The following GARNL3 variants were observed in gnomAD, a reference collection of about 807,000 sequenced individuals.
GARNL3 encodes GTPase-activating Rap/Ran-GAP domain-like protein 3.
In GARNL3, 63 loss-of-function variants were observed where a neutral mutation model predicts 125.0. The ratio of observed to expected loss-of-function variants is 0.50; its 90% CI spans 0.41 to 0.62. The LOEUF is 0.62. Ranked by LOEUF, GARNL3 falls within the 20% of genes least tolerant of loss-of-function variation. GARNL3 has a pLI of 0.00. For missense variants in GARNL3, 994 were observed against 1,244.0 expected, an observed-to-expected ratio of 0.80 and a Z score of 3.02; for synonymous variants, 439 against 457.5, an observed-to-expected ratio of 0.96 and a Z score of 0.52.
At chr9:127,324,427 G>A (rs1309905607) in intron 6 of GARNL3, among the ~76,000 whole-genome samples, 2 of 152,092 alleles carry the variant, frequency 1.3e-5, no homozygotes, top group African/African-American at 2.4e-5. Flanking sequence ...AGGAGGATGA[G>A]GGTCCCTCCA....
chr9:127,302,810 C>G lies in GARNL3; in HGVS notation c.220-8826C>G, dbSNP rs1039835614. ...GAGTTGAATTTTTTAAAAGAAGAATCTATGTAGTTGTTAAAAAGAACAAAA... is the reference window on the plus strand; with the variant it reads ...GAGTTGAATTTTTTAAAAGAAGAATGTATGTAGTTGTTAAAAAGAACAAAA... On this transcript the variant is annotated intron_variant, in intron 2 of 27. Coordinates refer to ENST00000373387, the MANE Select transcript of GARNL3 (RefSeq NM_032293.5). Among the ~76,000 whole-genome samples, 35 of 152,110 alleles carry G rather than the reference C, an allele frequency of 2.3e-4. 1 individual carries two copies. Among genetic ancestry groups the G allele is most frequent in the Non-Finnish European group, 2.9e-5 (2 of 68,026 alleles).
intron 1 of GARNL3, among the ~76,000 whole-genome samples, chr9:127,279,813 C>CT (rs1206239403): frequency 6.6e-6 from 1 of 152,042 alleles, no homozygotes; most frequent in Non-Finnish European, 1.5e-5. Flanking sequence ...CTATTCAGAC[C>CT]TTTTTTTCAA....
chr9:127,347,714 A>T (rs1189253796), intron 16 of GARNL3, among the ~76,000 whole-genome samples: 1 of 152,190 alleles, frequency 6.6e-6, no homozygotes, highest in African/African-American at 2.4e-5. Flanking sequence ...GGTGTAAGTC[A>T]CAAACTCAGA....
At chr9:127,304,645 T>G (rs1238649165) in intron 2 of GARNL3, among the ~76,000 whole-genome samples, 1 of 151,568 alleles carries the variant, frequency 6.6e-6, no homozygotes, top group African/African-American at 2.4e-5. Flanking sequence ...TAGTGATTCT[T>G]GTGCCTCAGC....
chr9:127,348,729 T>C (rs539922851), intron 16 of GARNL3, among the ~76,000 whole-genome samples, 195 bp from the exon 17 acceptor site: 1 of 152,362 alleles, frequency 6.6e-6, no homozygotes, highest in African/African-American at 2.4e-5. Context: ...CTTTTCCTAT[T>C]GCATACGTAT....
intron 1 of GARNL3, among the ~76,000 whole-genome samples, chr9:127,265,242 T>C (rs2063678874): frequency 1.3e-5 from 2 of 152,242 alleles, no homozygotes; most frequent in South Asian, 4.1e-4. Context: ...TTCCAGTTTG[T>C]TAAAAATATG....
chr9:127,365,279 C>T lies in GARNL3; in HGVS notation c.2095-21C>T, dbSNP rs544606954. The T allele has an allele frequency of 7.5e-6, 12 of 1,606,424 alleles. No homozygotes were observed. The Admixed American group carries it at 1.3e-4, about 18-fold the overall frequency. The stretch of plus-strand genomic sequence containing the variant: ...GGTCAGCATCCAGCCTGCCCACTAC[C>T]GTTGCCCGTTATCATTGCAGGTTAA... On this transcript the variant is annotated intron_variant, in intron 21 of 27. Transcript: ENST00000373387.
rs888542318 is a variant in GARNL3 at position 127,385,344 on chromosome 9, T to C, written c.2388+199T>C. Among the ~76,000 whole-genome samples the C allele has an allele frequency of 3.9e-5, 6 of 152,184 alleles. No individual in the cohort carries two copies. Among genetic ancestry groups the C allele is most frequent in the African/African-American group, 1.4e-4 (6 of 41,436 alleles). ...TGATTTCTGTGGGCTTTCAGAACAC[T>C]CCTCAGCTTTGTTAATAGTCATTAA... On this transcript the variant is annotated intron_variant, in intron 24 of 27. Coordinates refer to ENST00000373387, the MANE Select transcript of GARNL3 (RefSeq NM_032293.5). The surrounding 1 kb of genome is among the most constrained non-coding windows in gnomAD (Gnocchi z 4.1).
chr9:127,348,859 A>G (rs1230856906), intron 16 of GARNL3, 65 bp from the exon 17 acceptor site: 3 of 1,085,672 alleles, frequency 2.8e-6, no homozygotes, highest in Non-Finnish European at 2.8e-6. Flanking sequence ...GTACATTTCC[A>G]TTTGGTGGGC....
At chr9:127,313,378 C>G (rs1172399833) in intron 3 of GARNL3, 63 bp from the exon 4 acceptor site, 1 of 1,157,710 alleles carries the variant, frequency 8.6e-7, no homozygotes, top group African/African-American at 1.5e-5. Context: ...CTGCAGTGTC[C>G]TCTACCATCT....
intron 2 of GARNL3, among the ~76,000 whole-genome samples, chr9:127,308,131 A>G (rs1161687857): frequency 3.3e-5 from 5 of 152,264 alleles, no homozygotes; most frequent in Non-Finnish European, 7.3e-5. Flanking sequence ...ATATGCTTTC[A>G]CCAAAAGGTA....
At chr9:127,265,633 A>G (rs2063687863) in intron 1 of GARNL3, among the ~76,000 whole-genome samples, 1 of 152,234 alleles carries the variant, frequency 6.6e-6, no homozygotes, top group Admixed American at 6.5e-5. Flanking sequence ...AGCATATAAT[A>G]GTCTCAATAT....
upstream of GARNL3, among the ~76,000 whole-genome samples, chr9:127,262,007 GA>G (rs1345259538): frequency 6.6e-6 from 1 of 152,188 alleles, no homozygotes; most frequent in Non-Finnish European, 1.5e-5. Context: ...CAGGCTTGCT[GA>G]GTACATGGTC....
At chr9:127,293,128 A>G (rs1303830377) in intron 2 of GARNL3, among the ~76,000 whole-genome samples, 1 of 152,142 alleles carries the variant, frequency 6.6e-6, no homozygotes, top group African/African-American at 2.4e-5. Context: ...TTTCTGGCCA[A>G]TGGTACTTTC....
chr9:127,354,482 A>G, intron 19 of GARNL3, 72 bp downstream of exon 19: 2 of 852,028 alleles, frequency 2.3e-6, no homozygotes, highest in Non-Finnish European at 3.8e-6. Flanking sequence ...GTTTTACTGA[A>G]AATAAAAATG....
At chr9:127,360,122 G>A (rs1470261316) in intron 21 of GARNL3, among the ~76,000 whole-genome samples, 1 of 152,098 alleles carries the variant, frequency 6.6e-6, no homozygotes, top group African/African-American at 2.4e-5. Context: ...CCTGGTTCAT[G>A]CGATTCTCCT....
intron 4 of GARNL3, among the ~76,000 whole-genome samples, chr9:127,317,597 A>T (rs748615925): frequency 6.6e-6 from 1 of 152,046 alleles, no homozygotes; most frequent in African/African-American, 2.4e-5. Flanking sequence ...CATGCCTGTA[A>T]TCCCAGCTAC....
intron 7 of GARNL3, among the ~76,000 whole-genome samples, chr9:127,331,444 G>C (rs1209058439): frequency 6.6e-6 from 1 of 151,652 alleles, no homozygotes; most frequent in Non-Finnish European, 1.5e-5. Context: ...AGTGAGCTGA[G>C]ATCACGCCAC....
At chr9:127,354,131 G>A (rs985308392) in intron 18 of GARNL3, among the ~76,000 whole-genome samples, 163 bp from the exon 19 acceptor site, 2 of 152,136 alleles carry the variant, frequency 1.3e-5, no homozygotes, top group African/African-American at 2.4e-5. Flanking sequence ...GGGGGAAAGG[G>A]GTGCATACGT....
Sources: allele counts gnomAD v4.1 joint callset (sites outside exome capture counted in the v4.1 genomes callset), GRCh38; gene constraint gnomAD v4.1.1; non-coding constraint Gnocchi (gnomAD v3.1); transcripts MANE v1.5; gene names NCBI Gene and HGNC (gene_info 2026-07-23, HGNC 2026-07-21).